The following DMD variants were observed in gnomAD, a reference collection of about 807,000 sequenced individuals.
DMD encodes the protein dystrophin.
A neutral mutation model predicts 330.1 loss-of-function variants in DMD; 63 were observed. The observed-to-expected ratio is 0.19, with a 90% CI of 0.16 to 0.24. The LOEUF (loss-of-function observed/expected upper bound fraction) is 0.24. Among genes scored for constraint, DMD ranks in the 10% least tolerant of loss-of-function variants. The pLI, the probability that DMD is intolerant of heterozygous loss-of-function variation, is 1.00. For missense variants in DMD, 3,344 were observed against 2,684.1 expected, an observed-to-expected ratio of 1.25 and a Z score of -5.43; for synonymous variants, 1,223 against 959.8, an observed-to-expected ratio of 1.27 and a Z score of -5.07.
At chrX:32,155,530 G>C (rs943243251) in intron 44 of DMD, 2 of 567,509 alleles carry the variant, frequency 3.5e-6, no homozygotes, top group Non-Finnish European at 4.3e-6. Flanking sequence ...TGTAGCAAAG[G>C]CTCTAAAGAA....
chrX:32,561,749 C>T (rs1244172849), intron 16 of DMD, among the ~76,000 whole-genome samples: 2 of 111,422 alleles, frequency 1.8e-5, no homozygotes, highest in African/African-American at 3.3e-5. Flanking sequence ...ATACAATTCT[C>T]CAGGTTTAAA....
rs755680119 is a variant in DMD at position 31,321,987 on chromosome X, A to G, written c.9224+1611T>C. ...AAGATGAATATATAGGGAAAGGACA[A>G]TGGGACCGGGGAGACCCTAGCAATC... On this transcript the variant is annotated intron_variant, in intron 62 of 78. Coordinates refer to ENST00000357033, the MANE Select transcript of DMD (RefSeq NM_004006.3). Among the ~76,000 whole-genome samples, 4 of 111,973 alleles carry G rather than the reference A, an allele frequency of 3.6e-5. No individual in the cohort carries two copies. The South Asian group carries it at 1.5e-3, about 42-fold the overall frequency.
At chrX:32,076,238 T>C (rs958537662) in intron 44 of DMD, among the ~76,000 whole-genome samples, 7 of 108,974 alleles carry the variant, frequency 6.4e-5, no homozygotes, top group African/African-American at 2.3e-4. Context: ...CAAGCAGCTA[T>C]GATACAAGGC....
chrX:31,847,235 T>C (rs1466014694), intron 48 of DMD, among the ~76,000 whole-genome samples: 1 of 111,680 alleles, frequency 9.0e-6, no homozygotes, highest in African/African-American at 3.2e-5. Context: ...TAAGTACCCA[T>C]ATGAGATTTA....
chrX:31,244,948 A>T (rs916298765), intron 63 of DMD, among the ~76,000 whole-genome samples: 3 of 111,991 alleles, frequency 2.7e-5, no homozygotes, highest in Admixed American at 1.9e-4. Flanking sequence ...AAGTTTGAAA[A>T]TACATGGCAC....
intron 2 of DMD, among the ~76,000 whole-genome samples, chrX:32,941,543 C>T (rs1340111989): frequency 3.6e-5 from 4 of 111,380 alleles, no homozygotes; most frequent in Non-Finnish European, 5.7e-5. Context: ...TAGGCGAATT[C>T]ATGCAGCAAC....
chrX:32,650,135 C>G (rs919439154), intron 9 of DMD, among the ~76,000 whole-genome samples: 1 of 111,556 alleles, frequency 9.0e-6, no homozygotes, highest in Non-Finnish European at 1.9e-5. Flanking sequence ...CAGCAAACCA[C>G]AAAGCTCTTA....
intron 2 of DMD, among the ~76,000 whole-genome samples, chrX:32,891,492 G>T (rs1340557299): frequency 8.9e-6 from 1 of 111,867 alleles, no homozygotes; most frequent in Non-Finnish European, 1.9e-5. Flanking sequence ...CCTTTAATAG[G>T]TTTCATGAAA....
At chrX:31,760,942 A>ATTTT (rs35766737) in intron 51 of DMD, among the ~76,000 whole-genome samples, 6 of 80,906 alleles carry the variant, frequency 7.4e-5, no homozygotes, top group African/African-American at 9.7e-5. Flanking sequence ...CCTAGTTAGT[A>ATTTT]TTTTTTTTTT....
At chrX:32,530,051 T>C (rs1446445895) in intron 17 of DMD, among the ~76,000 whole-genome samples, 1 of 112,124 alleles carries the variant, frequency 8.9e-6, no homozygotes, top group Non-Finnish European at 1.9e-5. Context: ...TACTAAAAAA[T>C]CAATTTCTGT....
intron 16 of DMD, among the ~76,000 whole-genome samples, chrX:32,547,449 T>A (rs2049086932): frequency 9.0e-6 from 1 of 111,086 alleles, no homozygotes; most frequent in African/African-American, 3.3e-5. Context: ...AGTCTGTAAT[T>A]GTTCTATATA....
In DMD at chrX:33,219,808, G is replaced by A. The variant is rs190665786; in HGVS notation, c.7+119451C>T. Among the ~76,000 whole-genome samples the A allele has an allele frequency of 5.0e-3, 561 of 111,679 alleles. 1 individual carries two copies. Among genetic ancestry groups the A allele is most frequent in the Non-Finnish European group, 8.7e-3 (464 of 53,120 alleles). ...CTAGTGAGCTGAGAATCAGTAACATGTTTTAATAGTTGTATCTCTTATGGG... is the reference window on the plus strand; with the variant it reads ...CTAGTGAGCTGAGAATCAGTAACATATTTTAATAGTTGTATCTCTTATGGG... On this transcript the variant is annotated intron_variant, in intron 1 of 17. Transcript: ENST00000288447.
intron 9 of DMD, among the ~76,000 whole-genome samples, chrX:32,679,339 T>G (rs1217428168): frequency 9.1e-6 from 1 of 109,578 alleles, no homozygotes; most frequent in African/African-American, 3.3e-5. Flanking sequence ...AGGTTTTGGT[T>G]TTTTTTTTTG....
intron 7 of DMD, among the ~76,000 whole-genome samples, chrX:32,804,161 G>C (rs1261372924): frequency 9.0e-6 from 1 of 111,497 alleles, no homozygotes; most frequent in Non-Finnish European, 1.9e-5. Context: ...GCTGAAACCA[G>C]GGAGCCAAGT....
At chrX:33,127,954 T>C in intron 1 of DMD, 1 of 939,715 alleles carries the variant, frequency 1.1e-6, no homozygotes, top group Non-Finnish European at 1.4e-6. Context: ...CAAACCCCTT[T>C]CTTCCCTTCC....
At chrX:31,914,886 T>C (rs137943617) in intron 47 of DMD, among the ~76,000 whole-genome samples, 2,439 of 112,410 alleles carry the variant, frequency 0.022, 63 homozygotes, top group African/African-American at 0.072. Context: ...AATAAGAGTA[T>C]AATTGGATTG....
At chrX:32,611,188 T>A (rs1195409023) in intron 12 of DMD, among the ~76,000 whole-genome samples, 1 of 84,740 alleles carries the variant, frequency 1.2e-5, no homozygotes, top group Non-Finnish European at 2.1e-5. Context: ...AATATGAATC[T>A]TTCCCTTAAT....
intron 46 of DMD, among the ~76,000 whole-genome samples, chrX:31,930,960 G>T (rs954015088): frequency 2.7e-5 from 3 of 112,113 alleles, no homozygotes; most frequent in Non-Finnish European, 5.6e-5. Context: ...TGTATAGTCA[G>T]TGCTCCATAT....
chrX:33,161,056 T>C (rs764480757), intron 1 of DMD, among the ~76,000 whole-genome samples: 12 of 111,943 alleles, frequency 1.1e-4, no homozygotes, highest in African/African-American at 2.6e-4. Context: ...TTGTTGCATA[T>C]GAAATACGTC....
Sources: allele counts gnomAD v4.1 joint callset (sites outside exome capture counted in the v4.1 genomes callset), GRCh38; gene constraint gnomAD v4.1.1; transcripts MANE v1.5; gene names NCBI Gene and HGNC (gene_info 2026-07-23, HGNC 2026-07-21).